Variants in ADAMTS3 observed in about 807,000 individuals in gnomAD.
ADAMTS3 encodes the protein ADAM metallopeptidase with thrombospondin type 1 motif 3, also known as A disintegrin and metalloproteinase with thrombospondin motifs 3.
ADAMTS3 carries 73 observed loss-of-function variants against 129.0 expected under a neutral mutation model. That is an observed-to-expected ratio of 0.57 (90% CI 0.47 to 0.69). The LOEUF is 0.69. ADAMTS3 is among the 30% of genes least tolerant of loss of function. The probability of loss-of-function intolerance (pLI) is 0.00; values close to 1 mark genes in which losing one functional copy is unlikely to be tolerated. For synonymous variants in ADAMTS3, 477 were observed against 510.8 expected, an observed-to-expected ratio of 0.93 and a Z score of 0.89; for missense variants, 1,457 against 1,514.5, an observed-to-expected ratio of 0.96 and a Z score of 0.63.
intron 3 of ADAMTS3, among the ~76,000 whole-genome samples, chr4:72,512,796 A>AT (rs761095694): frequency 2.6e-5 from 4 of 152,044 alleles, no homozygotes; most frequent in Non-Finnish European, 5.9e-5. Context: ...ATTTACATTC[A>AT]TTTTTTCTAA....
At chr4:72,340,473 CCAT>C (rs1280950028) in intron 4 of ADAMTS3, among the ~76,000 whole-genome samples, 6 of 151,706 alleles carry the variant, frequency 4.0e-5, no homozygotes. Flanking sequence ...TTTGCACTGG[CCAT>C]CATTTGGATG....
chr4:72,550,000 GGAAGAAGAA>G lies in ADAMTS3; in HGVS notation c.98-1125_98-1117del, dbSNP rs1167934145. 7.2e-4 allele frequency among the ~76,000 whole-genome samples: 7 copies of G among 9,772 alleles called. 2 individuals carry two copies. Among genetic ancestry groups the G allele is most frequent in the African/African-American group, 3.7e-3 (7 of 1,874 alleles). 6.4% of individuals were successfully genotyped at this position (9,772 alleles called of 152,430 possible). A position where few individuals can be genotyped will look rare whatever the true frequency, so the allele number is the denominator to read the frequency against. On this transcript the variant is annotated intron_variant, in intron 2 of 21. Transcript: ENST00000286657. Reference sequence around the variant, plus strand: ...AAGAAGAAGAAGAAGAAGAGGAAGAGGAAGAAGAAGAAGAAGAAGAAGAAGAAGAAGAAG... The same window carrying G: ...AAGAAGAAGAAGAAGAAGAGGAAGAGGAAGAAGAAGAAGAAGAAGAAGAAG...
At chr4:72,328,268 T>C (rs1456604129) in intron 5 of ADAMTS3, among the ~76,000 whole-genome samples, 1 of 152,180 alleles carries the variant, frequency 6.6e-6, no homozygotes, top group South Asian at 2.1e-4. Flanking sequence ...TTGTCAATGA[T>C]GTGAGGGAGG....
intron 7 of ADAMTS3, 48 bp from the exon 8 acceptor site, chr4:72,320,011 A>G: frequency 6.6e-7 from 1 of 1,515,484 alleles, no homozygotes; most frequent in Non-Finnish European, 9.1e-7. Context: ...GAGAAAACCC[A>G]TTAAGAATTA....
chr4:72,364,084 G>T (rs965423550), intron 4 of ADAMTS3, among the ~76,000 whole-genome samples: 1 of 151,964 alleles, frequency 6.6e-6, no homozygotes, highest in African/African-American at 2.4e-5. Flanking sequence ...ATTAGCAAGG[G>T]CATGAAAAGT....
In ADAMTS3 at chr4:72,300,152, G is replaced by A. The variant is rs145970418; in HGVS notation, c.2425-1710C>T. ...CAGCATTAAAAATCAAGCACCATTC[G>A]AACAACCCTTACACTCTAGCCAGAT... On this transcript the variant is annotated intron_variant, in intron 17 of 21. Coordinates refer to ENST00000286657, the MANE Select transcript of ADAMTS3 (RefSeq NM_014243.3). Among the ~76,000 whole-genome samples the A allele has an allele frequency of 2.7e-3, 408 of 151,692 alleles. 6 individuals are homozygous for A. Among genetic ancestry groups the A allele is most frequent in the Middle Eastern group, 0.017 (5 of 294 alleles).
intron 3 of ADAMTS3, among the ~76,000 whole-genome samples, chr4:72,503,333 G>C (rs1560540663): frequency 6.6e-6 from 1 of 152,016 alleles, no homozygotes; most frequent in Non-Finnish European, 1.5e-5. Flanking sequence ...GACAGTATTT[G>C]TTTATTTCTG....
chr4:72,375,426 G>A (rs1721111951), intron 4 of ADAMTS3, among the ~76,000 whole-genome samples: 2 of 152,258 alleles, frequency 1.3e-5, no homozygotes, highest in Admixed American at 1.3e-4. Flanking sequence ...CCCTTCAAGA[G>A]CTTACAATTT....
At chr4:72,517,610 T>C (rs1406652019) in intron 3 of ADAMTS3, among the ~76,000 whole-genome samples, 1 of 152,242 alleles carries the variant, frequency 6.6e-6, no homozygotes, top group Non-Finnish European at 1.5e-5. Flanking sequence ...CTAGATTTTC[T>C]ACTTTATTTG....
At chr4:72,379,512 C>A (rs975143875) in intron 4 of ADAMTS3, among the ~76,000 whole-genome samples, 9 of 150,512 alleles carry the variant, frequency 6.0e-5, no homozygotes, top group African/African-American at 2.2e-4. Flanking sequence ...TCTCTTCTGG[C>A]ACTAACAGTC....
intron 3 of ADAMTS3, among the ~76,000 whole-genome samples, chr4:72,500,889 CTTTTG>C (rs1358736341): frequency 6.6e-6 from 1 of 151,880 alleles, no homozygotes. Flanking sequence ...CTATTGCTTA[CTTTTG>C]TTAAGTTTTT....
At chr4:72,515,212 C>T (rs1720432742) in intron 3 of ADAMTS3, among the ~76,000 whole-genome samples, 1 of 152,126 alleles carries the variant, frequency 6.6e-6, no homozygotes, top group South Asian at 2.1e-4. Context: ...ATATGTGCCA[C>T]ATTTTCTTAA....
At chr4:72,480,694 A>T (rs1342038297) in intron 3 of ADAMTS3, among the ~76,000 whole-genome samples, 2 of 151,408 alleles carry the variant, frequency 1.3e-5, no homozygotes, top group Admixed American at 1.3e-4. Flanking sequence ...TTAAAGTATA[A>T]TAATAATAAA....
At position 72,359,260 on chromosome 4, in the gene ADAMTS3, C is replaced by T. The variant is rs144159959; in HGVS notation, c.662-19567G>A. Among the ~76,000 whole-genome samples, 938 of 152,068 alleles carry T rather than the reference C, an allele frequency of 6.2e-3. 9 individuals carry two copies. The highest frequency in any genetic ancestry group is 9.3e-3 in the Non-Finnish European group (629 of 67,906). On this transcript the variant is annotated intron_variant, in intron 4 of 21. Coordinates refer to ENST00000286657, the MANE Select transcript of ADAMTS3 (RefSeq NM_014243.3). ...ACTGTTGACCATATCATGAGCCTTG[C>T]AAAATGTCCTTGATTAGCTTGCTTC...
chr4:72,520,555 CT>C (rs1238078963), intron 3 of ADAMTS3, among the ~76,000 whole-genome samples: 3 of 152,232 alleles, frequency 2.0e-5, no homozygotes, highest in African/African-American at 7.2e-5. Flanking sequence ...GCGGGCGCCC[CT>C]CCCCCAGCCT....
rs1481667709 is a variant in ADAMTS3, at chr4:72,311,108, A to G, written c.1995T>C (p.His665=). 3 of 1,612,658 alleles carry G rather than the reference A, an allele frequency of 1.9e-6. No homozygotes were observed. The highest frequency in any genetic ancestry group is 1.3e-5 in the African/African-American group (1 of 74,852). ...GDVAYMKQLV[H]DGTHCSYKDP... is the part of the protein sequence containing the mutation. Reference sequence around the variant, plus strand: ...CTTTGTAAGAACAGTGCGTTCCATCATGCACCAGTTGTTTCATGTAAGCAA... The same window carrying G: ...CTTTGTAAGAACAGTGCGTTCCATCGTGCACCAGTTGTTTCATGTAAGCAA... The change falls in exon 14 of 22, where the codon CAT becomes CAC. Residue 665 remains histidine (H), a synonymous_variant. Transcript: ENST00000286657.
At chr4:72,515,821 G>T (rs1165442606) in intron 3 of ADAMTS3, among the ~76,000 whole-genome samples, 1 of 152,040 alleles carries the variant, frequency 6.6e-6, no homozygotes, top group Non-Finnish European at 1.5e-5. Context: ...CTTTTGCTGT[G>T]CAGAAGCTCT....
At chr4:72,564,547 G>A (rs1051486528) in intron 2 of ADAMTS3, among the ~76,000 whole-genome samples, 1 of 152,178 alleles carries the variant, frequency 6.6e-6, no homozygotes, top group Non-Finnish European at 1.5e-5. Flanking sequence ...TAGGTAGGTG[G>A]TTAGAGAGGC....
intron 4 of ADAMTS3, among the ~76,000 whole-genome samples, chr4:72,347,222 G>A (rs1264005200): frequency 6.6e-6 from 1 of 151,314 alleles, no homozygotes; most frequent in Non-Finnish European, 1.5e-5. Context: ...CTGAAAACTT[G>A]GTCTTTTCAG....
Sources: gnomAD v4.1 joint callset for allele counts (sites outside exome capture counted in the v4.1 genomes callset) on GRCh38, gnomAD v4.1.1 for gene constraint, MANE v1.5 for transcripts, NCBI Gene and HGNC (gene_info 2026-07-23, HGNC 2026-07-21) for gene names.